The following TEX101 variants were observed in gnomAD, a reference collection of about 807,000 sequenced individuals.
TEX101 encodes the protein testis-expressed protein 101.
TEX101 carries 10 observed loss-of-function variants against 18.1 expected under a neutral mutation model. The observed-to-expected ratio is 0.55, with a 90% CI of 0.34 to 0.94. The LOEUF (loss-of-function observed/expected upper bound fraction) is 0.94. TEX101 is among the 40% of genes least tolerant of loss of function. TEX101 has a pLI of 0.02. For missense variants in TEX101, 259 were observed against 298.9 expected (o/e 0.87, Z 0.98); for synonymous variants, 94 against 114.8 (o/e 0.82, Z 1.16).
intron 3 of TEX101, among the ~76,000 whole-genome samples, chr19:43,407,327 A>G (rs1237973013): frequency 1.3e-5 from 2 of 152,092 alleles, no homozygotes; most frequent in Non-Finnish European, 2.9e-5. Context: ...TCTACTGAAA[A>G]TACAAAAATT....
chr19:43,407,843 C>T (rs1158695733), intron 3 of TEX101, among the ~76,000 whole-genome samples: 4 of 152,224 alleles, frequency 2.6e-5, no homozygotes, highest in African/African-American at 4.8e-5. Context: ...TCTTGGGAAA[C>T]CGGCAGTGGG....
chr19:43,394,390 A>T, the TEX101 span, among the ~76,000 whole-genome samples: 1 of 151,328 alleles, frequency 6.6e-6, no homozygotes, highest in Admixed American at 6.6e-5. Flanking sequence ...AAACACCCAG[A>T]CTCCAGAGAC....
intron 2 of TEX101, among the ~76,000 whole-genome samples, chr19:43,404,365 G>C (rs569157010): frequency 6.6e-6 from 1 of 152,260 alleles, no homozygotes; most frequent in East Asian, 1.9e-4. Context: ...GCTTCTTCTA[G>C]ATTTTGAATG....
intron 3 of TEX101, among the ~76,000 whole-genome samples, chr19:43,407,221 C>G (rs982279240): frequency 6.6e-6 from 1 of 152,104 alleles, no homozygotes; most frequent in Non-Finnish European, 1.5e-5. Flanking sequence ...CTGTGGCTCA[C>G]GCCTATAATC....
At chr19:43,394,295 C>T in the TEX101 span, among the ~76,000 whole-genome samples, 1 of 152,084 alleles carries the variant, frequency 6.6e-6, no homozygotes, top group South Asian at 2.1e-4. Context: ...GTCCCCGCTT[C>T]CCAGACAACT....
chr19:43,410,876 T>C (rs1970413504), upstream of TEX101, among the ~76,000 whole-genome samples: 1 of 152,138 alleles, frequency 6.6e-6, no homozygotes, highest in Non-Finnish European at 1.5e-5. Flanking sequence ...AAAAAAAATT[T>C]TTTTTTGAGA....
At chr19:43,411,651 T>TC (rs1970420467), upstream of TEX101, among the ~76,000 whole-genome samples, 1 of 152,108 alleles carries the variant, frequency 6.6e-6, no homozygotes, top group Non-Finnish European at 1.5e-5. Flanking sequence ...TTCTTTTTTT[T>TC]CTTTTTTTTT....
intron 2 of TEX101, chr19:43,406,095 A>AAAAAAAAAAAAAAAAAAAAC (rs1681031984): frequency 6.0e-6 from 1 of 167,906 alleles, no homozygotes; most frequent in East Asian, 1.8e-4. Flanking sequence ...AAAAAAAAAA[A>AAAAAAAAAAAAAAAAAAAAC]AAAAAAGCCA....
chr19:43,403,102 G>A (rs539931272), intron 2 of TEX101, among the ~76,000 whole-genome samples: 2 of 152,252 alleles, frequency 1.3e-5, no homozygotes, highest in East Asian at 3.9e-4. Flanking sequence ...TTCTCAGAAA[G>A]CAGAATGTCT....
chr19:43,411,229 A>C (rs554321757), upstream of TEX101, among the ~76,000 whole-genome samples: 23 of 152,204 alleles, frequency 1.5e-4, no homozygotes, highest in South Asian at 2.1e-4. Context: ...GGGGCGCACC[A>C]CCACGCCCAG....
chr19:43,396,900 G>A (rs1970271976), upstream of TEX101, among the ~76,000 whole-genome samples: 1 of 127,624 alleles, frequency 7.8e-6, no homozygotes, highest in Non-Finnish European at 1.6e-5. Flanking sequence ...GCAGTGGCAT[G>A]ATCTCCACTC....
Position 43,406,491 on chromosome 19 carries a change from T to C in TEX101, c.-14T>C, listed in dbSNP as rs750456042. ...GGATCGGTGGGCGGTCCCGCCTCCA[T>C]CTTCAGTTCCCGCATGGGGGCGAGG... On this transcript the variant is annotated 5_prime_UTR_variant, in exon 3 of 8. Transcript: ENST00000602198. 1.6e-5 allele frequency: 12 copies of C among 764,650 alleles called. No individual in the cohort carries two copies. The East Asian group carries it at 2.3e-4, about 14-fold the overall frequency. The allele number at this position is 764,650 out of a possible 1,614,324, so 47.4% of individuals were successfully genotyped here. A position where few individuals can be genotyped will look rare whatever the true frequency, so the allele number is the denominator to read the frequency against.
upstream of TEX101, among the ~76,000 whole-genome samples, chr19:43,398,503 C>G (rs865782598): frequency 6.6e-6 from 1 of 151,750 alleles, no homozygotes; most frequent in Non-Finnish European, 1.5e-5. Context: ...CTCGATCTCT[C>G]GACCTCATGA....
chr19:43,394,585 C>T, the TEX101 span, among the ~76,000 whole-genome samples: 1 of 151,980 alleles, frequency 6.6e-6, no homozygotes, highest in African/African-American at 2.4e-5. Flanking sequence ...ATTCTCCTGC[C>T]TCGGCCTCTG....
At chr19:43,415,093 G>T (rs996846238) in intron 1 of TEX101, 55 bp downstream of exon 1, 3 of 982,804 alleles carry the variant, frequency 3.1e-6, no homozygotes, top group Non-Finnish European at 3.6e-6. Context: ...AGGGTTGGGG[G>T]CCTGGGCTCC....
chr19:43,391,652 C>A, the TEX101 span, among the ~76,000 whole-genome samples: 1 of 152,110 alleles, frequency 6.6e-6, no homozygotes, highest in Non-Finnish European at 1.5e-5. Flanking sequence ...TTCCCGGGTG[C>A]ACAGACAGAA....
chr19:43,417,228 C>T (rs1473775284), intron 4 of TEX101, among the ~76,000 whole-genome samples: 1 of 151,998 alleles, frequency 6.6e-6, no homozygotes, highest in East Asian at 1.9e-4. Context: ...TTACTGTGTG[C>T]TAACTGGGGC....
upstream of TEX101, among the ~76,000 whole-genome samples, chr19:43,414,704 G>T (rs948525004): frequency 6.6e-6 from 1 of 152,122 alleles, no homozygotes; most frequent in Non-Finnish European, 1.5e-5. Flanking sequence ...AGGATCTTCC[G>T]GCCGGTTTGC....
At chr19:43,417,333 A>G (rs953442862) in intron 4 of TEX101, among the ~76,000 whole-genome samples, 2 of 152,220 alleles carry the variant, frequency 1.3e-5, no homozygotes, top group African/African-American at 4.8e-5. Flanking sequence ...AAAACAGATC[A>G]AAGAAACAGC....
Sources: allele counts gnomAD v4.1 joint callset (sites outside exome capture counted in the v4.1 genomes callset), GRCh38; gene constraint gnomAD v4.1.1; transcripts MANE v1.5; gene names NCBI Gene and HGNC (gene_info 2026-07-23, HGNC 2026-07-21).